The following GNE variants were observed in gnomAD, a reference collection of about 807,000 sequenced individuals.
The protein encoded by GNE is glucosamine (UDP-N-acetyl)-2-epimerase/N-acetylmannosamine kinase.
In GNE, 41 loss-of-function variants were observed where a neutral mutation model predicts 61.8. That is an observed-to-expected ratio of 0.66 (90% confidence interval 0.52 to 0.86). The LOEUF (loss-of-function observed/expected upper bound fraction) is 0.86, where lower values mean the gene tolerates loss of function less well. GNE is among the 40% of genes least tolerant of loss of function. The pLI, the probability that GNE is intolerant of heterozygous loss-of-function variation, is 0.00. For synonymous variants in GNE, 264 were observed against 326.4 expected, an observed-to-expected ratio of 0.81 and a Z score of 2.06; for missense variants, 608 against 909.1, an observed-to-expected ratio of 0.67 and a Z score of 4.26.
chr9:36,251,244 C>G (rs574109780), intron 1 of GNE, among the ~76,000 whole-genome samples: 80 of 152,266 alleles, frequency 5.3e-4, no homozygotes, highest in African/African-American at 1.8e-3. Flanking sequence ...CCTCCTCCCC[C>G]ACGTTTCTCA....
In GNE at chr9:36,217,043, T is replaced by G. The variant is rs1828344333; in HGVS notation, c.*322A>C. 2.5e-6 allele frequency: 1 copy of G among 393,482 alleles called. No homozygotes were observed. The highest frequency in any genetic ancestry group is 2.1e-5 in the African/African-American group (1 of 48,396). 24.4% of individuals were successfully genotyped at this position (393,482 alleles called of 1,614,324 possible). A position where few individuals can be genotyped will look rare whatever the true frequency, so the allele number is the denominator to read the frequency against. ...CAAGGCCTGAAGGTCTCAGTGGTAT[T>G]AATACATTAGTAAGCAGAGTTCTAA... On this transcript the variant is annotated 3_prime_UTR_variant, in exon 12 of 12. Transcript: ENST00000642385.
chr9:36,227,397 C>G lies in GNE; in HGVS notation c.1132G>C (p.Asp378His), dbSNP rs199877522. The change falls in exon 7 of 12, where the codon GAT (aspartate) becomes CAT (histidine). Residue 378 changes from aspartate to histidine, a missense_variant. Asp to His is a moderately conservative substitution (Grantham distance 81). Transcript: ENST00000642385. ...PRILKFLKSI[D>H]LQEPLQKKFC... ...TTCTTTTGCAGTGGCTCTTGAAGAT[C>G]GATAGATTTGAGAAACTTCAAAATC... 1 of 1,612,660 alleles carries G rather than the reference C, an allele frequency of 6.2e-7. No individual in the cohort carries two copies. Among genetic ancestry groups the G allele is most frequent in the South Asian group, 1.1e-5 (1 of 91,052 alleles).
At chr9:36,272,471 A>G (rs899937260) in intron 1 of GNE, among the ~76,000 whole-genome samples, 1 of 151,900 alleles carries the variant, frequency 6.6e-6, no homozygotes, top group Non-Finnish European at 1.5e-5. Context: ...AATACAAAAA[A>G]TTATCTGGGC....
intron 4 of GNE, among the ~76,000 whole-genome samples, chr9:36,234,552 AC>A (rs1829315240): frequency 6.6e-6 from 1 of 152,130 alleles, no homozygotes. Flanking sequence ...CTTTACACTA[AC>A]AAGAACTCGG....
chr9:36,236,598 A>G (rs1829403161), intron 4 of GNE, among the ~76,000 whole-genome samples: 1 of 152,232 alleles, frequency 6.6e-6, no homozygotes, highest in African/African-American at 2.4e-5. Context: ...ACATGAGACT[A>G]AAGTAGACAG....
intron 1 of GNE, among the ~76,000 whole-genome samples, chr9:36,270,785 G>A (rs1831000687): frequency 6.6e-6 from 1 of 152,108 alleles, no homozygotes; most frequent in African/African-American, 2.4e-5. Context: ...CCAAAGTGCT[G>A]GGATTACAGG....
chr9:36,260,983 G>A (rs2133174889), upstream of GNE, among the ~76,000 whole-genome samples: 1 of 151,814 alleles, frequency 6.6e-6, no homozygotes, highest in East Asian at 1.9e-4. Context: ...TGTCAGTTGG[G>A]TTGCCTTCCT....
rs1828523248 is a variant in GNE, at chr9:36,220,086, G to A, written c.1634-66C>T. On this transcript the variant is annotated intron_variant, in intron 9 of 11. Transcript: ENST00000642385. ...AAACAGAAAACTATGATATCACAAC[G>A]CCTCATCTATTTAGCAGAGCTTTGG... The A allele has an allele frequency of 4.7e-6, 6 of 1,281,562 alleles. No homozygotes were observed. The East Asian group carries it at 6.9e-5, about 15-fold the overall frequency. The allele number at this position is 1,281,562 out of a possible 1,614,324, so 79.4% of individuals were successfully genotyped here.
intron 9 of GNE, among the ~76,000 whole-genome samples, chr9:36,222,434 AAC>A (rs1491059021): frequency 9.9e-5 from 15 of 152,038 alleles, no homozygotes; most frequent in African/African-American, 3.4e-4. Context: ...AAAAAAAAAA[AAC>A]ATTTCAAGGT....
chr9:36,276,654 A>G (rs1831271202), intron 1 of GNE, among the ~76,000 whole-genome samples: 1 of 152,226 alleles, frequency 6.6e-6, no homozygotes. Context: ...AAAGAGTTCA[A>G]TTTCAACTTT....
At chr9:36,221,821 A>G (rs1359147758) in intron 9 of GNE, among the ~76,000 whole-genome samples, 1 of 152,108 alleles carries the variant, frequency 6.6e-6, no homozygotes, top group African/African-American at 2.4e-5. Context: ...TCTAAAAACA[A>G]AACAAAACCA....
chr9:36,276,329 AACTAC>A (rs1831260733), intron 1 of GNE, among the ~76,000 whole-genome samples: 1 of 152,226 alleles, frequency 6.6e-6, no homozygotes, highest in Admixed American at 6.5e-5. Flanking sequence ...AGGTTTAATA[AACTAC>A]ACTATAGTAT....
At chr9:36,263,023 C>G (rs576315013), upstream of GNE, among the ~76,000 whole-genome samples, 1 of 152,178 alleles carries the variant, frequency 6.6e-6, no homozygotes, top group African/African-American at 2.4e-5. Context: ...ATACAGAAGG[C>G]GAAGTTGCCT....
At chr9:36,228,256 TA>T (rs1271021244) in intron 6 of GNE, among the ~76,000 whole-genome samples, 13 of 151,926 alleles carry the variant, frequency 8.6e-5, no homozygotes. Flanking sequence ...TAAGTGCCTG[TA>T]TTTTTTTGCT....
At chr9:36,231,249 G>C (rs1187420807) in intron 5 of GNE, among the ~76,000 whole-genome samples, 1 of 152,116 alleles carries the variant, frequency 6.6e-6, no homozygotes, top group Admixed American at 6.5e-5. Flanking sequence ...AGGATCACTT[G>C]AGACCAGGAG....
intron 10 of GNE, 67 bp downstream of exon 10, chr9:36,219,771 G>A: frequency 7.1e-7 from 1 of 1,401,436 alleles, no homozygotes; most frequent in Non-Finnish European, 1.0e-6. Flanking sequence ...AGCTGTCTTT[G>A]GAATTTCCAC....
chr9:36,243,818 T>C (rs890464916), intron 3 of GNE, among the ~76,000 whole-genome samples: 1 of 152,124 alleles, frequency 6.6e-6, no homozygotes, highest in Admixed American at 6.6e-5. Flanking sequence ...AACAGAAATA[T>C]GTAGAATGGA....
chr9:36,247,982 C>T (rs1056624505), intron 2 of GNE, among the ~76,000 whole-genome samples: 31 of 147,032 alleles, frequency 2.1e-4, no homozygotes, highest in African/African-American at 3.0e-4. Flanking sequence ...GCCGAGATCA[C>T]GCCACTGCAC....
intron 1 of GNE, among the ~76,000 whole-genome samples, chr9:36,252,716 T>C (rs1830157363): frequency 6.6e-6 from 1 of 152,164 alleles, no homozygotes. Flanking sequence ...TTAACTAAAT[T>C]TTTGATCAGG....
Sources: allele counts gnomAD v4.1 joint callset (sites outside exome capture counted in the v4.1 genomes callset), GRCh38; gene constraint gnomAD v4.1.1; transcripts MANE v1.5; gene names NCBI Gene and HGNC (gene_info 2026-07-23, HGNC 2026-07-21).